MIS18A: variants seen among roughly 807,000 people sequenced by gnomAD.
The protein encoded by MIS18A is protein Mis18-alpha.
MIS18A carries 14 observed loss-of-function variants against 25.0 expected under a neutral mutation model. The observed-to-expected ratio is 0.56, with a 90% CI of 0.37 to 0.88. The LOEUF (loss-of-function observed/expected upper bound fraction) is 0.88, where lower values mean the gene tolerates loss of function less well. MIS18A is among the 40% of genes least tolerant of loss of function. MIS18A has a pLI of 0.00. For synonymous variants in MIS18A, 134 were observed against 118.6 expected (o/e 1.13, Z -0.84); for missense variants, 292 against 290.8 (o/e 1.00, Z -0.03).
At chr21:32,244,372 A>C in the MIS18A span, among the ~76,000 whole-genome samples, 1 of 152,094 alleles carries the variant, frequency 6.6e-6, no homozygotes, top group South Asian at 2.1e-4. Flanking sequence ...TGTCAAACTC[A>C]TCAAATTGTA....
chr21:32,184,983 A>G, the MIS18A span, among the ~76,000 whole-genome samples: 2 of 151,844 alleles, frequency 1.3e-5, no homozygotes, highest in Non-Finnish European at 2.9e-5. Flanking sequence ...CTCCCAGGAT[A>G]TCCACTTCAC....
chr21:32,266,460 A>C (rs1378544873), downstream of MIS18A, among the ~76,000 whole-genome samples: 2 of 152,082 alleles, frequency 1.3e-5, no homozygotes, highest in Non-Finnish European at 2.9e-5. Flanking sequence ...CTTTGCAATA[A>C]ATCTTGCTAC....
downstream of MIS18A, among the ~76,000 whole-genome samples, chr21:32,266,510 ACACT>A (rs2031605860): frequency 6.6e-6 from 1 of 152,152 alleles, no homozygotes; most frequent in African/African-American, 2.4e-5. Context: ...ATGAGCTGTA[ACACT>A]CACCGCAAAG....
At chr21:32,207,564 C>T in the MIS18A span, among the ~76,000 whole-genome samples, 2 of 152,148 alleles carry the variant, frequency 1.3e-5, no homozygotes, top group South Asian at 4.2e-4. Flanking sequence ...GCATTTTCTG[C>T]TAATCTGCCT....
intron 2 of MIS18A, among the ~76,000 whole-genome samples, chr21:32,273,977 T>C (rs1354293064): frequency 1.3e-5 from 2 of 152,038 alleles, no homozygotes; most frequent in African/African-American, 4.8e-5. Flanking sequence ...GGCAAGATAT[T>C]TGTCCCCTCT....
At chr21:32,258,859 TTTATTTATTTATTTATTTACTTACTTAC>T in the MIS18A span, among the ~76,000 whole-genome samples, 4 of 122,960 alleles carry the variant, frequency 3.3e-5, no homozygotes, top group African/African-American at 1.5e-4. Flanking sequence ...TATTTATTTA[TTTATTTATTTATTTATTTACTTACTTAC>T]TTACTTACTT....
chr21:32,172,967 T>TCAA, the MIS18A span, among the ~76,000 whole-genome samples: 3,408 of 152,184 alleles, frequency 0.022, 136 homozygotes, highest in African/African-American at 0.077. Flanking sequence ...AAATGGATCA[T>TCAA]CAACCTAAAT....
the MIS18A span, among the ~76,000 whole-genome samples, chr21:32,208,615 AAT>A: frequency 6.6e-6 from 1 of 152,220 alleles, no homozygotes; most frequent in Non-Finnish European, 1.5e-5. Context: ...TCTTTATAGC[AAT>A]ATGAGAATGG....
chr21:32,219,271 G>A, the MIS18A span, among the ~76,000 whole-genome samples: 730 of 152,242 alleles, frequency 4.8e-3, 4 homozygotes, highest in South Asian at 0.012. Context: ...TTCCAACTGA[G>A]ATACCCGGTT....
the MIS18A span, among the ~76,000 whole-genome samples, chr21:32,165,432 T>TA: frequency 0.37 from 51,597 of 141,322 alleles, 9,202 homozygotes; most frequent in African/African-American, 0.4. Context: ...TAACATGATC[T>TA]AAAAAAAAAA....
chr21:32,205,833 G>A, the MIS18A span, among the ~76,000 whole-genome samples: 3 of 152,142 alleles, frequency 2.0e-5, no homozygotes, highest in African/African-American at 7.2e-5. Flanking sequence ...CTTCAGGATG[G>A]GAGAAAGGAG....
chr21:32,246,680 C>A, the MIS18A span, among the ~76,000 whole-genome samples: 1 of 152,142 alleles, frequency 6.6e-6, no homozygotes, highest in Non-Finnish European at 1.5e-5. Flanking sequence ...TGTCCTAAAT[C>A]CTTCACTTTG....
chr21:32,265,215 G>C (rs1038585339), downstream of MIS18A, among the ~76,000 whole-genome samples: 2 of 152,164 alleles, frequency 1.3e-5, no homozygotes, highest in Non-Finnish European at 2.9e-5. Flanking sequence ...CCCTGCCTGG[G>C]CTCCCACTTT....
At chr21:32,185,218 G>A in the MIS18A span, among the ~76,000 whole-genome samples, 2 of 152,002 alleles carry the variant, frequency 1.3e-5, no homozygotes, top group South Asian at 4.2e-4. Flanking sequence ...TTTCCACCTG[G>A]GGCAGTTTCT....
the MIS18A span, among the ~76,000 whole-genome samples, chr21:32,175,438 T>G: frequency 6.6e-6 from 1 of 152,184 alleles, no homozygotes; most frequent in Admixed American, 6.6e-5. Flanking sequence ...CTTAGCTTAC[T>G]GTAACTTTTT....
Position 32,269,806 on chromosome 21 carries a change from G to T in MIS18A, c.525-3C>A. 6.4e-7 allele frequency: 1 copy of T among 1,551,880 alleles called. No homozygotes were observed. The highest frequency in any genetic ancestry group is 8.9e-7 in the Non-Finnish European group (1 of 1,123,542). ...TTTCAGAGGACCCTAAAACATAACT[G>T]AAGTACGGTACAAGGTTAAAATACA... On this transcript the variant is annotated splice_region_variant and splice_polypyrimidine_tract_variant and intron_variant, in intron 3 of 4. Coordinates refer to ENST00000290130, the MANE Select transcript of MIS18A (RefSeq NM_018944.3).
chr21:32,274,438 C>T (rs1016363911), intron 2 of MIS18A, among the ~76,000 whole-genome samples: 9 of 151,924 alleles, frequency 5.9e-5, no homozygotes, highest in Admixed American at 5.2e-4. Context: ...TTCCTGACCC[C>T]CCGGTGATCT....
chr21:32,250,761 G>C, the MIS18A span, among the ~76,000 whole-genome samples: 1 of 152,204 alleles, frequency 6.6e-6, no homozygotes, highest in African/African-American at 2.4e-5. Context: ...GCATGAGAAA[G>C]CCCAATAGAA....
At chr21:32,262,433 C>A in the MIS18A span, among the ~76,000 whole-genome samples, 214 of 152,314 alleles carry the variant, frequency 1.4e-3, 1 homozygote, top group African/African-American at 4.9e-3. Context: ...CTCAAAATTT[C>A]TACTGTTCTC....
Sources: allele counts gnomAD v4.1 joint callset (sites outside exome capture counted in the v4.1 genomes callset), GRCh38; gene constraint gnomAD v4.1.1; transcripts MANE v1.5; gene names NCBI Gene and HGNC (gene_info 2026-07-23, HGNC 2026-07-21).